The following DIP2A variants were observed in gnomAD, a reference collection of about 807,000 sequenced individuals.
The protein encoded by DIP2A is disco-interacting protein 2 homolog A.
Under a neutral mutation model 177.4 loss-of-function variants are expected in DIP2A, and 85 were observed. The observed-to-expected ratio is 0.48, with a 90% CI of 0.40 to 0.57. DIP2A has a LOEUF of 0.57. DIP2A is among the 20% of genes least tolerant of loss of function. The pLI is 0.00. For synonymous variants in DIP2A, 886 were observed against 881.8 expected, an observed-to-expected ratio of 1.00 and a Z score of -0.08; for missense variants, 1,791 against 2,100.2, an observed-to-expected ratio of 0.85 and a Z score of 2.88.
chr21:46,515,884 C>A (rs2058552881), intron 8 of DIP2A, among the ~76,000 whole-genome samples: 1 of 152,072 alleles, frequency 6.6e-6, no homozygotes, highest in African/African-American at 2.4e-5. Context: ...CATTTTTATT[C>A]TTTCTTTTAC....
intron 3 of DIP2A, among the ~76,000 whole-genome samples, chr21:46,496,707 G>C (rs141806640): frequency 6.6e-6 from 1 of 152,268 alleles, no homozygotes; most frequent in Non-Finnish European, 1.5e-5. Flanking sequence ...CCAACAACTA[G>C]ATACACATTT....
chr21:46,527,526 G>A (rs146844786), intron 8 of DIP2A, among the ~76,000 whole-genome samples: 5,477 of 151,824 alleles, frequency 0.036, 146 homozygotes, highest in Middle Eastern at 0.086. Context: ...GGGTTTCACC[G>A]TGTTGACCAG....
chr21:46,506,804 CTT>C (rs56782646), intron 6 of DIP2A, among the ~76,000 whole-genome samples: 4 of 74,256 alleles, frequency 5.4e-5, no homozygotes, highest in Non-Finnish European at 8.0e-5. Flanking sequence ...TCTTTCTTCT[CTT>C]TTTTTTTTTT....
At chr21:46,482,325 A>G (rs1005725455) in intron 1 of DIP2A, among the ~76,000 whole-genome samples, 2 of 152,224 alleles carry the variant, frequency 1.3e-5, no homozygotes, top group Non-Finnish European at 2.9e-5. Context: ...CCATGAGATC[A>G]TGATAAAGCT....
At chr21:46,470,789 CATG>C (rs888628901) in intron 1 of DIP2A, among the ~76,000 whole-genome samples, 4 of 148,984 alleles carry the variant, frequency 2.7e-5, no homozygotes, top group Non-Finnish European at 4.5e-5. Flanking sequence ...ATTAGCCAGG[CATG>C]GTGGTGGGCA....
At chr21:46,550,787 G>A in intron 23 of DIP2A, 43 bp downstream of exon 23, 1 of 1,592,200 alleles carries the variant, frequency 6.3e-7, no homozygotes, top group South Asian at 1.1e-5. Flanking sequence ...GTCTAACAGT[G>A]GTAACAGCGG....
At position 46,516,530 on chromosome 21, in the gene DIP2A, C is replaced by T. The variant is rs1215586470; in HGVS notation, c.1102+4916C>T. 8.6e-5 allele frequency among the ~76,000 whole-genome samples: 9 copies of T among 104,498 alleles called. 1 individual carries two copies. Among genetic ancestry groups the T allele is most frequent in the African/African-American group, 2.9e-4 (8 of 27,620 alleles). The allele number at this position is 104,498 out of a possible 152,430, so 68.6% of individuals were successfully genotyped here. On this transcript the variant is annotated intron_variant, in intron 8 of 37. Transcript: ENST00000417564. ...TTTTTGAGATGGAGTCTGGCTCTGT[C>T]GCCCAGGCTGGAGTGCAAGTGGTGC...
At chr21:46,543,384 C>T (rs2059897722) in intron 18 of DIP2A, among the ~76,000 whole-genome samples, 1 of 152,188 alleles carries the variant, frequency 6.6e-6, no homozygotes, top group African/African-American at 2.4e-5. Flanking sequence ...TGGATTAGGA[C>T]AGGACATGCG....
chr21:46,546,472 C>A (rs7275616), intron 20 of DIP2A, among the ~76,000 whole-genome samples: 97,363 of 151,952 alleles, frequency 0.64, 31,789 homozygotes, highest in African/African-American at 0.76. Flanking sequence ...AGTGTCCAAC[C>A]TAAGCACAGG....
rs58453285 is a variant in DIP2A at position 46,527,325 on chromosome 21, G to GTTTTT, written c.1103-1751_1103-1747dup. ...GGCTAAAACAGTGGTTTGAGTTGAGGTTTTTTTTTTTTTTTTTTTTGAGAG... is the reference window on the plus strand; with the variant it reads ...GGCTAAAACAGTGGTTTGAGTTGAGGTTTTTTTTTTTTTTTTTTTTTTTTTGAGAG... On this transcript the variant is annotated intron_variant, in intron 8 of 37. Transcript: ENST00000417564. Among the ~76,000 whole-genome samples the GTTTTT allele has an allele frequency of 5.9e-3, 625 of 105,320 alleles. 15 individuals are homozygous for GTTTTT. Among genetic ancestry groups the GTTTTT allele is most frequent in the African/African-American group, 6.8e-3 (183 of 26,804 alleles). 69.1% of individuals were successfully genotyped at this position (105,320 alleles called of 152,430 possible).
intron 1 of DIP2A, among the ~76,000 whole-genome samples, chr21:46,469,742 C>CT (rs1260701821): frequency 6.6e-6 from 1 of 152,192 alleles, no homozygotes; most frequent in African/African-American, 2.4e-5. Context: ...TAGTCTAAGA[C>CT]TTTTTCTGTC....
intron 1 of DIP2A, among the ~76,000 whole-genome samples, chr21:46,466,342 CTTT>C (rs71187318): frequency 2.5e-4 from 22 of 89,598 alleles, no homozygotes; most frequent in African/African-American, 8.5e-4. Flanking sequence ...TACATTATAA[CTTT>C]TTTTTTTTTT....
chr21:46,490,789 T>G, intron 3 of DIP2A, 70 bp downstream of exon 3: 12 of 1,462,066 alleles, frequency 8.2e-6, no homozygotes, highest in Non-Finnish European at 1.0e-5. Flanking sequence ...CCATGAAGTC[T>G]TCCAGTTATT....
chr21:46,531,597 T>C (rs2059359677), intron 9 of DIP2A, among the ~76,000 whole-genome samples: 2 of 152,250 alleles, frequency 1.3e-5, no homozygotes, highest in South Asian at 4.1e-4. Context: ...AGAATCTCTT[T>C]GGTTAGGTGA....
chr21:46,459,368 G>T, intron 1 of DIP2A, 146 bp downstream of exon 1: 1 of 601,232 alleles, frequency 1.7e-6, no homozygotes. Context: ...TCGCCCCTGG[G>T]ACCTCTGCCC....
At chr21:46,491,414 A>G (rs887675449) in intron 3 of DIP2A, among the ~76,000 whole-genome samples, 1 of 152,214 alleles carries the variant, frequency 6.6e-6, no homozygotes, top group Admixed American at 6.5e-5. Flanking sequence ...AAGATTTTAA[A>G]TGTTTTTTCA....
At chr21:46,483,486 C>T (rs1341850275) in intron 1 of DIP2A, among the ~76,000 whole-genome samples, 5 of 152,136 alleles carry the variant, frequency 3.3e-5, no homozygotes, top group South Asian at 2.1e-4. Context: ...AGGGCTTGGG[C>T]GCAGTGCAGG....
intron 1 of DIP2A, among the ~76,000 whole-genome samples, chr21:46,478,280 C>T (rs8127582): frequency 0.35 from 53,146 of 151,472 alleles, 9,675 homozygotes; most frequent in Middle Eastern, 0.44. Context: ...TGGCGCGATC[C>T]CGGCTCACAG....
chr21:46,566,495 A>T, intron 36 of DIP2A, 65 bp from the exon 37 acceptor site: 2 of 1,606,952 alleles, frequency 1.2e-6, no homozygotes, highest in East Asian at 2.2e-5. Context: ...GGCTCAGAGG[A>T]TACGAATGTC....
Sources: allele counts gnomAD v4.1 joint callset (sites outside exome capture counted in the v4.1 genomes callset), GRCh38; gene constraint gnomAD v4.1.1; transcripts MANE v1.5; gene names NCBI Gene and HGNC (gene_info 2026-07-23, HGNC 2026-07-21).